Variants in COPB1 observed in about 807,000 individuals in gnomAD.
The protein encoded by COPB1 is coatomer subunit beta.
Under a neutral mutation model 108.7 loss-of-function variants are expected in COPB1, and 21 were observed. That is an observed-to-expected ratio of 0.19 (90% confidence interval 0.14 to 0.28). COPB1 has a LOEUF of 0.28. Among genes scored for constraint, COPB1 ranks in the 10% least tolerant of loss-of-function variants. The pLI is 1.00. For missense variants in COPB1, 919 were observed against 1,141.3 expected (o/e 0.81, Z 2.81); for synonymous variants, 378 against 386.8 (o/e 0.98, Z 0.27).
chr11:14,489,607 G>A (rs1050848323), intron 5 of COPB1, among the ~76,000 whole-genome samples: 1 of 152,162 alleles, frequency 6.6e-6, no homozygotes, highest in Admixed American at 6.6e-5. Flanking sequence ...ATTAGGCTAA[G>A]TAAAATAAGC....
intron 7 of COPB1, among the ~76,000 whole-genome samples, chr11:14,483,650 G>A (rs947211391): frequency 3.9e-5 from 6 of 151,972 alleles, no homozygotes; most frequent in Non-Finnish European, 5.9e-5. Context: ...CAAAAAATGT[G>A]TAAAGTATTT....
In COPB1 at chr11:14,486,445, T is replaced by C. The variant is rs770989753; in HGVS notation, c.759A>G (p.Leu253=). 2.4e-5 allele frequency: 38 copies of C among 1,613,994 alleles called. No individual in the cohort carries two copies. The East Asian group carries it at 8.0e-4, about 34-fold the overall frequency. Residue 253 remains leucine, a synonymous_variant, in exon 7 of 22, where the codon TTA becomes TTG. Transcript: ENST00000439561. ...ATTTTACAGCAGGGCTGGATGACTG[T>C]AATAAGTTATAGATGCAGCGAATAA... ...ARFIRCIYNL[L]QSSSPAVKYE... is the part of the protein sequence containing the mutation.
At chr11:14,482,389 A>G (rs1047063641) in intron 8 of COPB1, among the ~76,000 whole-genome samples, 4 of 152,190 alleles carry the variant, frequency 2.6e-5, no homozygotes, top group African/African-American at 7.2e-5. Flanking sequence ...CTAGAATCAG[A>G]TCACCTTTTA....
rs1851094254 is a variant in COPB1, at chr11:14,499,190, G to A, written c.-57-205C>T. Among the ~76,000 whole-genome samples the A allele has an allele frequency of 2.0e-5, 3 of 152,112 alleles. No homozygotes were observed. In the South Asian group the frequency reaches 6.2e-4, roughly 32 times the overall value. Reference sequence around the variant, plus strand: ...CTCCCTCATCGCATCCCGGTCCAGTGTTTGAGAATGCTGTATAGCCGAATG... The same window carrying A: ...CTCCCTCATCGCATCCCGGTCCAGTATTTGAGAATGCTGTATAGCCGAATG... On this transcript the variant is annotated intron_variant, in intron 1 of 21. Transcript: ENST00000439561.
chr11:14,490,515 A>T, intron 5 of COPB1, 50 bp downstream of exon 5: 1 of 1,055,642 alleles, frequency 9.5e-7, no homozygotes, highest in Non-Finnish European at 1.4e-6. Context: ...TAATACTTTC[A>T]ATTGTCACTT....
chr11:14,493,505 T>C, intron 4 of COPB1, 137 bp downstream of exon 4: 1 of 641,810 alleles, frequency 1.6e-6, no homozygotes, highest in Non-Finnish European at 2.4e-6. Flanking sequence ...TCAATGTTCA[T>C]AATAAAAAAT....
intron 14 of COPB1, among the ~76,000 whole-genome samples, chr11:14,470,944 A>ACACACACACTCTCTCTCTCT (rs1285522756): frequency 2.2e-5 from 2 of 90,156 alleles, no homozygotes; most frequent in African/African-American, 1.0e-4. Flanking sequence ...ACACACACAC[A>ACACACACACTCTCTCTCTCT]CTCTCTCTCT....
Position 14,486,385 on chromosome 11 carries a change from A to G in COPB1, c.819T>C (p.Ser273=), listed in dbSNP as rs1162579289. Residue 273 remains serine, a synonymous_variant, in exon 7 of 22, where the codon AGT becomes AGC. Transcript: ENST00000439561. Reference sequence around the variant, plus strand: ...ACAGTACCTTGATTGCAGTTGGTGCACTAGAGAGTGTCACTAATGTCCCAG... The same window carrying G: ...ACAGTACCTTGATTGCAGTTGGTGCGCTAGAGAGTGTCACTAATGTCCCAG... The part of the protein sequence containing the change: ...EAAGTLVTLS[S]APTAIKAAAQ... The G allele has an allele frequency of 6.8e-6, 11 of 1,614,174 alleles. No individual in the cohort carries two copies. The highest frequency in any genetic ancestry group is 9.3e-6 in the Non-Finnish European group (11 of 1,180,028).
At chr11:14,490,700 A>T in intron 4 of COPB1, 21 bp from the exon 5 acceptor site, 1 of 1,312,622 alleles carries the variant, frequency 7.6e-7, no homozygotes, top group Non-Finnish European at 1.1e-6. Flanking sequence ...AACAGGTAAC[A>T]TCCATATTTA....
At chr11:14,486,274 G>A in intron 7 of COPB1, 93 bp downstream of exon 7, 2 of 1,419,196 alleles carry the variant, frequency 1.4e-6, no homozygotes, top group Non-Finnish European at 2.0e-6. Flanking sequence ...TCTGTGCCAT[G>A]TAACCACATA....
At chr11:14,490,493 A>T in intron 5 of COPB1, 72 bp downstream of exon 5, 1 of 817,936 alleles carries the variant, frequency 1.2e-6, no homozygotes, top group African/African-American at 1.8e-5. Flanking sequence ...TAAAAACATG[A>T]TTAAGTCTAT....
chr11:14,488,448 A>G, intron 6 of COPB1, 44 bp downstream of exon 6: 1 of 1,271,686 alleles, frequency 7.9e-7, no homozygotes, highest in East Asian at 2.3e-5. Context: ...ACCCTGTCTT[A>G]AACTGCTGAG....
intron 8 of COPB1, among the ~76,000 whole-genome samples, chr11:14,481,816 T>C (rs997107920): frequency 2.6e-5 from 4 of 152,002 alleles, no homozygotes; most frequent in South Asian, 2.1e-4. Context: ...TGAGATGGAG[T>C]CTTGCTCTGT....
chr11:14,496,605 A>G (rs1851025306), intron 2 of COPB1, among the ~76,000 whole-genome samples: 2 of 152,094 alleles, frequency 1.3e-5, no homozygotes, highest in African/African-American at 4.8e-5. Flanking sequence ...AAGAATCAGT[A>G]TTGTTAAAAT....
intron 2 of COPB1, among the ~76,000 whole-genome samples, chr11:14,496,677 C>T (rs1851026797): frequency 8.7e-6 from 1 of 114,300 alleles, no homozygotes; most frequent in Admixed American, 9.7e-5. Context: ...CAATGACATT[C>T]TTCACAGAAA....
intron 16 of COPB1, 84 bp downstream of exon 16, chr11:14,468,597 A>G (rs1850333940): frequency 1.5e-6 from 2 of 1,331,702 alleles, no homozygotes; most frequent in South Asian, 2.7e-5. Context: ...CAAAATAGTT[A>G]TCTTTCTTTT....
chr11:14,461,582 T>C (rs1850153036), intron 18 of COPB1, among the ~76,000 whole-genome samples: 1 of 152,194 alleles, frequency 6.6e-6, no homozygotes, highest in Non-Finnish European at 1.5e-5. Context: ...AGTAAGTTGT[T>C]CCAGATCACA....
At chr11:14,488,409 CAAT>C (rs1369763500) in intron 6 of COPB1, 80 bp downstream of exon 6, 5 of 662,888 alleles carry the variant, frequency 7.5e-6, no homozygotes, top group Admixed American at 5.7e-5. Context: ...ATTATCCTAG[CAAT>C]AATTATCCCA....
chr11:14,484,449 G>T (rs752964277), intron 7 of COPB1, among the ~76,000 whole-genome samples: 2 of 152,246 alleles, frequency 1.3e-5, no homozygotes, highest in Non-Finnish European at 2.9e-5. Flanking sequence ...ATCGGGCATG[G>T]TGGCTCATGC....
Sources: gnomAD v4.1 joint callset for allele counts (sites outside exome capture counted in the v4.1 genomes callset) on GRCh38, gnomAD v4.1.1 for gene constraint, MANE v1.5 for transcripts, NCBI Gene and HGNC (gene_info 2026-07-23, HGNC 2026-07-21) for gene names.